SPOP: variants seen among roughly 807,000 people sequenced by gnomAD.
SPOP encodes the protein speckle-type POZ protein.
In SPOP, 11 loss-of-function variants were observed where a neutral mutation model predicts 45.6. The observed-to-expected ratio is 0.24, with a 90% confidence interval of 0.15 to 0.40. The LOEUF is 0.40. SPOP is among the 10% of genes least tolerant of loss of function. The pLI, the probability that SPOP is intolerant of heterozygous loss-of-function variation, is 1.00. For synonymous variants in SPOP, 166 were observed against 166.3 expected, an observed-to-expected ratio of 1.00 and a Z score of 0.01; for missense variants, 152 against 465.6, an observed-to-expected ratio of 0.33 and a Z score of 6.20.
chr17:49,671,489 A>G (rs938469500), intron 1 of SPOP, among the ~76,000 whole-genome samples: 4 of 152,068 alleles, frequency 2.6e-5, no homozygotes, highest in Non-Finnish European at 5.9e-5. Flanking sequence ...GGAAGCACTC[A>G]TAGCTCAAGC....
At chr17:49,655,506 G>A (rs986806118) in intron 1 of SPOP, among the ~76,000 whole-genome samples, 15 of 150,822 alleles carry the variant, frequency 9.9e-5, no homozygotes, top group South Asian at 4.2e-4. Context: ...GCGAGACTCC[G>A]TCTCCAAAAA....
intron 1 of SPOP, among the ~76,000 whole-genome samples, chr17:49,625,704 A>G (rs2072315409): frequency 6.6e-6 from 1 of 152,246 alleles, no homozygotes; most frequent in Non-Finnish European, 1.5e-5. Context: ...TGACATGTAC[A>G]GTACATTATT....
intron 1 of SPOP, among the ~76,000 whole-genome samples, chr17:49,626,995 A>T (rs189734869): frequency 5.9e-4 from 89 of 152,000 alleles, no homozygotes; most frequent in Non-Finnish European, 1.1e-3. Context: ...GACTACAGGC[A>T]CCCGCCACCA....
In SPOP at chr17:49,599,516, TTG is replaced by T. The variant is rs1491244321; in HGVS notation, c.*860_*861del. The T allele has an allele frequency of 5.9e-3, 1,209 of 206,568 alleles. 3 individuals carry two copies. Among genetic ancestry groups the T allele is most frequent in the East Asian group, 0.013 (163 of 12,882 alleles). 12.8% of individuals were successfully genotyped at this position (206,568 alleles called of 1,614,324 possible). ...GTTTTTGTTTTGTGTGTTTTTTTTT[TTG>T]TTTGTTTTTTAGAAAAAGGGGTGGG... On this transcript the variant is annotated 3_prime_UTR_variant, in exon 10 of 10. Transcript: ENST00000504102.
intron 8 of SPOP, among the ~76,000 whole-genome samples, chr17:49,606,505 T>C (rs967666859): frequency 4.8e-5 from 7 of 145,760 alleles, no homozygotes; most frequent in African/African-American, 7.6e-5. Flanking sequence ...CTTTTTTTTT[T>C]TTTTTTTTTT....
At chr17:49,621,328 C>T (rs922468694) in intron 3 of SPOP, among the ~76,000 whole-genome samples, 1 of 152,182 alleles carries the variant, frequency 6.6e-6, no homozygotes, top group Non-Finnish European at 1.5e-5. Context: ...AGAAGCCAGA[C>T]CTGAGATGTC....
At chr17:49,675,479 C>T (rs944929509) in intron 1 of SPOP, among the ~76,000 whole-genome samples, 11 of 151,970 alleles carry the variant, frequency 7.2e-5, no homozygotes, top group African/African-American at 2.4e-4. Flanking sequence ...AAGACTGTTG[C>T]CTTTGGGAAG....
At chr17:49,615,018 C>T (rs550780066) in intron 5 of SPOP, among the ~76,000 whole-genome samples, 3 of 151,868 alleles carry the variant, frequency 2.0e-5, no homozygotes, top group African/African-American at 7.3e-5. Flanking sequence ...GCCATCATAC[C>T]TGGCTAATTT....
At chr17:49,678,122 C>T (rs2073229913), upstream of SPOP, 1 of 396,228 alleles carries the variant, frequency 2.5e-6, no homozygotes, top group Non-Finnish European at 4.4e-6. Context: ...TCGACGCAGC[C>T]AGCGCGTACC....
At chr17:49,648,167 G>A (rs1014822621) in intron 1 of SPOP, among the ~76,000 whole-genome samples, 2 of 152,098 alleles carry the variant, frequency 1.3e-5, no homozygotes, top group African/African-American at 4.8e-5. Flanking sequence ...AATAGTTACT[G>A]GTTTCTAATT....
intron 6 of SPOP, among the ~76,000 whole-genome samples, chr17:49,610,236 C>T (rs915736857): frequency 4.0e-5 from 6 of 151,706 alleles, no homozygotes; most frequent in African/African-American, 9.7e-5. Flanking sequence ...TTTTTTCCCC[C>T]GAGACAGAGT....
At chr17:49,624,231 G>A (rs1188534168) in intron 1 of SPOP, among the ~76,000 whole-genome samples, 2 of 151,784 alleles carry the variant, frequency 1.3e-5, no homozygotes, top group Non-Finnish European at 2.9e-5. Flanking sequence ...CAACATGAGG[G>A]CTATACTTAA....
At chr17:49,672,295 G>A (rs1218413392) in intron 1 of SPOP, among the ~76,000 whole-genome samples, 3 of 152,188 alleles carry the variant, frequency 2.0e-5, no homozygotes, top group Non-Finnish European at 4.4e-5. Context: ...ATCATGAGGT[G>A]AAATGTTGCT....
At chr17:49,666,996 T>C (rs540558379) in intron 1 of SPOP, among the ~76,000 whole-genome samples, 2 of 151,794 alleles carry the variant, frequency 1.3e-5, no homozygotes, top group Admixed American at 6.6e-5. Context: ...CTGGCCAACA[T>C]GGTGAAACAC....
chr17:49,602,936 G>A (rs921480131), intron 8 of SPOP, among the ~76,000 whole-genome samples: 4 of 152,174 alleles, frequency 2.6e-5, no homozygotes, highest in African/African-American at 9.7e-5. Context: ...GAACTTGAGG[G>A]ATAGGAAAGA....
At chr17:49,651,236 G>T (rs1028376126) in intron 1 of SPOP, among the ~76,000 whole-genome samples, 1 of 152,194 alleles carries the variant, frequency 6.6e-6, no homozygotes, top group East Asian at 1.9e-4. Context: ...TTACCATTAA[G>T]TAGGGTCCAA....
chr17:49,641,080 T>C (rs945012749), intron 1 of SPOP, among the ~76,000 whole-genome samples: 3 of 151,986 alleles, frequency 2.0e-5, no homozygotes, highest in Admixed American at 1.3e-4. Flanking sequence ...CTGGCCAATA[T>C]GGTGAAACCC....
chr17:49,607,998 G>T, intron 6 of SPOP, 69 bp from the exon 7 acceptor site: 2 of 1,446,642 alleles, frequency 1.4e-6, no homozygotes, highest in South Asian at 2.4e-5. Flanking sequence ...TGCCAGTCAT[G>T]AGGGAGAGAT....
chr17:49,650,812 A>G (rs1335528161), intron 1 of SPOP, among the ~76,000 whole-genome samples: 1 of 152,258 alleles, frequency 6.6e-6, no homozygotes, highest in Non-Finnish European at 1.5e-5. Flanking sequence ...AGAAGTTTGT[A>G]CCCAGAACAT....
Sources: gnomAD v4.1 joint callset for allele counts (sites outside exome capture counted in the v4.1 genomes callset) on GRCh38, gnomAD v4.1.1 for gene constraint, MANE v1.5 for transcripts, NCBI Gene and HGNC (gene_info 2026-07-23, HGNC 2026-07-21) for gene names.